MACROD2: variants seen among roughly 807,000 people sequenced by gnomAD.
The protein encoded by MACROD2 is mono-ADP ribosylhydrolase 2.
MACROD2 carries 36 observed loss-of-function variants against 70.4 expected under a neutral mutation model. The observed-to-expected ratio is 0.51, with a 90% CI of 0.39 to 0.68. MACROD2 has a LOEUF of 0.68. Among genes scored for constraint, MACROD2 ranks in the 30% least tolerant of loss-of-function variants. MACROD2 has a pLI of 0.00. For synonymous variants in MACROD2, 172 were observed against 178.8 expected (o/e 0.96, Z 0.30); for missense variants, 496 against 538.4 (o/e 0.92, Z 0.78).
At chr20:15,620,092 G>A (rs1477254573) in intron 8 of MACROD2, among the ~76,000 whole-genome samples, 2 of 152,140 alleles carry the variant, frequency 1.3e-5, no homozygotes, top group African/African-American at 2.4e-5. Context: ...CTGAATCCAA[G>A]CAGTTCTCCA....
intron 5 of MACROD2, among the ~76,000 whole-genome samples, chr20:15,123,034 G>A (rs1252913007): frequency 6.6e-6 from 1 of 152,150 alleles, no homozygotes; most frequent in Non-Finnish European, 1.5e-5. Flanking sequence ...AAGCCATATG[G>A]TTCTGTAAGT....
intron 6 of MACROD2, among the ~76,000 whole-genome samples, chr20:15,405,177 G>T (rs1205009364): frequency 6.6e-6 from 1 of 150,612 alleles, no homozygotes; most frequent in African/African-American, 2.4e-5. Context: ...GTTTCTTTTT[G>T]TAGTCAAAAG....
At chr20:14,056,979 T>C (rs2053637416) in intron 2 of MACROD2, among the ~76,000 whole-genome samples, 2 of 152,140 alleles carry the variant, frequency 1.3e-5, no homozygotes, top group African/African-American at 2.4e-5. Flanking sequence ...ATTGATATCT[T>C]CATAATATAT....
At chr20:14,397,280 A>G (rs1326579104) in intron 3 of MACROD2, among the ~76,000 whole-genome samples, 1 of 152,162 alleles carries the variant, frequency 6.6e-6, no homozygotes, top group African/African-American at 2.4e-5. Flanking sequence ...GGCATGAGCC[A>G]CTGTGCCTGG....
intron 4 of MACROD2, among the ~76,000 whole-genome samples, chr20:14,529,819 T>A (rs1290786012): frequency 6.6e-6 from 1 of 152,244 alleles, no homozygotes; most frequent in Non-Finnish European, 1.5e-5. Context: ...TTAATATTAG[T>A]ATATCAATGT....
chr20:15,345,293 C>T (rs1418313377), intron 6 of MACROD2, among the ~76,000 whole-genome samples: 1 of 152,162 alleles, frequency 6.6e-6, no homozygotes, highest in Non-Finnish European at 1.5e-5. Flanking sequence ...TATGGGTTTA[C>T]TATACTTCTC....
intron 6 of MACROD2, among the ~76,000 whole-genome samples, chr20:15,397,703 T>C (rs1320600368): frequency 6.6e-6 from 1 of 152,212 alleles, no homozygotes; most frequent in East Asian, 1.9e-4. Flanking sequence ...TCTTGAGATA[T>C]AGGAATCTGA....
At chr20:15,524,466 G>A (rs1363510046) in intron 8 of MACROD2, among the ~76,000 whole-genome samples, 4 of 152,098 alleles carry the variant, frequency 2.6e-5, no homozygotes, top group African/African-American at 9.7e-5. Flanking sequence ...CAAATGTTGA[G>A]AATTAATTTT....
At chr20:15,621,294 A>T (rs993694311) in intron 8 of MACROD2, among the ~76,000 whole-genome samples, 1 of 152,206 alleles carries the variant, frequency 6.6e-6, no homozygotes, top group Non-Finnish European at 1.5e-5. Context: ...TCAGCATTGC[A>T]TATTGGCCTC....
At chr20:14,464,286 T>A (rs1226950315) in intron 3 of MACROD2, among the ~76,000 whole-genome samples, 1 of 152,122 alleles carries the variant, frequency 6.6e-6, no homozygotes, top group Non-Finnish European at 1.5e-5. Context: ...TCGAGGAATT[T>A]ATCCATTTCT....
intron 4 of MACROD2, among the ~76,000 whole-genome samples, chr20:14,526,225 C>A (rs1419179386): frequency 6.6e-6 from 1 of 152,142 alleles, no homozygotes; most frequent in Non-Finnish European, 1.5e-5. Flanking sequence ...TTTTTTCATA[C>A]TGTCTCTAAA....
intron 8 of MACROD2, among the ~76,000 whole-genome samples, chr20:15,703,320 G>A (rs1316205780): frequency 6.6e-6 from 1 of 152,156 alleles, no homozygotes; most frequent in Admixed American, 6.5e-5. Flanking sequence ...AGCTCTGCAT[G>A]GACCTGCCCA....
chr20:15,622,078 G>A (rs2146731999), intron 8 of MACROD2, among the ~76,000 whole-genome samples: 1 of 152,234 alleles, frequency 6.6e-6, no homozygotes, highest in Non-Finnish European at 1.5e-5. Context: ...GAAGGACCAG[G>A]GGATGGGGCG....
chr20:14,053,104 G>T (rs2053590630), intron 2 of MACROD2: 1 of 147,006 alleles, frequency 6.8e-6, no homozygotes. Context: ...TCTAGCTTGG[G>T]CTCTAGGAAA....
At chr20:15,709,184 A>G (rs1397273614) in intron 8 of MACROD2, among the ~76,000 whole-genome samples, 1 of 152,104 alleles carries the variant, frequency 6.6e-6, no homozygotes, top group Non-Finnish European at 1.5e-5. Context: ...CAGAGGAGGA[A>G]CCACCAGGGG....
intron 8 of MACROD2, among the ~76,000 whole-genome samples, chr20:15,687,266 G>GTATTGAAT (rs2050239712): frequency 6.7e-6 from 1 of 148,882 alleles, no homozygotes; most frequent in African/African-American, 2.5e-5. Flanking sequence ...ATCACTGTGA[G>GTATTGAAT]TATTGAATTA....
chr20:14,891,337 T>A (rs2073757347), intron 5 of MACROD2, among the ~76,000 whole-genome samples: 1 of 152,176 alleles, frequency 6.6e-6, no homozygotes, highest in East Asian at 1.9e-4. Flanking sequence ...TATATCTTCT[T>A]ACACTGAATA....
At chr20:15,148,322 AAAACT>A (rs1189834461) in intron 5 of MACROD2, among the ~76,000 whole-genome samples, 1 of 152,028 alleles carries the variant, frequency 6.6e-6, no homozygotes, top group East Asian at 1.9e-4. Flanking sequence ...TATGAATTGA[AAAACT>A]AAACGGAATA....
intron 3 of MACROD2, among the ~76,000 whole-genome samples, chr20:14,386,139 A>T (rs577170910): frequency 2.1e-4 from 32 of 152,316 alleles, no homozygotes; most frequent in Non-Finnish European, 3.7e-4. Flanking sequence ...ATCTTCATTT[A>T]CCAAATGAGG....
Sources: gnomAD v4.1 joint callset for allele counts (sites outside exome capture counted in the v4.1 genomes callset) on GRCh38, gnomAD v4.1.1 for gene constraint, MANE v1.5 for transcripts, NCBI Gene and HGNC (gene_info 2026-07-23, HGNC 2026-07-21) for gene names.